Variants in SPSB1 observed in about 807,000 individuals in gnomAD.
SPSB1 encodes the protein SPRY domain-containing SOCS box protein 1.
Under a neutral mutation model 21.2 loss-of-function variants are expected in SPSB1, and 8 were observed. That is an observed-to-expected ratio of 0.38 (90% CI 0.22 to 0.68). SPSB1 has a LOEUF of 0.68. Ranked by LOEUF, SPSB1 falls within the 30% of genes least tolerant of loss-of-function variation. SPSB1 has a pLI of 0.53. For missense variants in SPSB1, 242 were observed against 377.8 expected (o/e 0.64, Z 2.98); for synonymous variants, 169 against 161.7 (o/e 1.05, Z -0.34).
rs529713721 is a variant in SPSB1 at position 9,346,835 on chromosome 1, G to T, written c.-149-8908G>T. On this transcript the variant is annotated intron_variant, in intron 1 of 2. Coordinates refer to ENST00000328089, the MANE Select transcript of SPSB1 (RefSeq NM_025106.4). The surrounding 1 kb of genome is among the most constrained non-coding windows in gnomAD (Gnocchi z 4.4). ...TGCCACCTGGCTGGGTATGGGGACG[G>T]ACCAGCTGTTCTCTTCTTGTGTTCT... Among the ~76,000 whole-genome samples, 1 of 152,246 alleles carries T rather than the reference G, an allele frequency of 6.6e-6. No homozygotes were observed. The highest frequency in any genetic ancestry group is 1.5e-5 in the Non-Finnish European group (1 of 68,032).
intron 1 of SPSB1, among the ~76,000 whole-genome samples, chr1:9,309,169 G>A (rs982914359): frequency 1.3e-5 from 2 of 151,868 alleles, no homozygotes; most frequent in African/African-American, 4.8e-5. Flanking sequence ...GGCATGGGGT[G>A]TCCTTGCACT....
intron 1 of SPSB1, among the ~76,000 whole-genome samples, chr1:9,333,033 C>T (rs1426466025): frequency 1.3e-5 from 2 of 152,240 alleles, no homozygotes; most frequent in African/African-American, 2.4e-5. Flanking sequence ...CACTGAGCTT[C>T]TGCCCTCGTG....
intron 1 of SPSB1, among the ~76,000 whole-genome samples, chr1:9,316,745 G>A (rs781307845): frequency 8.5e-5 from 13 of 152,198 alleles, no homozygotes; most frequent in Admixed American, 1.3e-4. Flanking sequence ...AGGGGAGACC[G>A]CCCCGGAAGC....
At chr1:9,340,057 G>A (rs1640065182) in intron 1 of SPSB1, among the ~76,000 whole-genome samples, 1 of 152,242 alleles carries the variant, frequency 6.6e-6, no homozygotes, top group Admixed American at 6.5e-5. Context: ...CCATTCAGGG[G>A]CAGTAGCCCG....
chr1:9,297,601 G>A (rs1639246679), intron 1 of SPSB1, among the ~76,000 whole-genome samples: 2 of 152,132 alleles, frequency 1.3e-5, no homozygotes, highest in South Asian at 4.1e-4. Flanking sequence ...CGAATTTATG[G>A]ATATGGGCCC....
chr1:9,328,872 G>T (rs1343750377), intron 1 of SPSB1, among the ~76,000 whole-genome samples: 2 of 152,120 alleles, frequency 1.3e-5, no homozygotes, highest in Non-Finnish European at 2.9e-5. Context: ...AATATCCCTG[G>T]CCCCCACCCA....
At position 9,355,902 on chromosome 1, in the gene SPSB1, A is replaced by G; in HGVS notation, c.11A>G (p.Lys4Arg). MGQ[K>R]VTGGIKTVDM... Reference sequence around the variant, plus strand: ...AAGCCAGGGGCGAACATGGGTCAGAAGGTCACTGGAGGGATCAAGACTGTG... The same window carrying G: ...AAGCCAGGGGCGAACATGGGTCAGAGGGTCACTGGAGGGATCAAGACTGTG... The change falls in exon 2 of 3, where the codon AAG (lysine) becomes AGG (arginine). Residue 4 changes from lysine (K) to arginine (R), a missense_variant. Coordinates refer to ENST00000328089, the MANE Select transcript of SPSB1 (RefSeq NM_025106.4). 6.4e-7 allele frequency: 1 copy of G among 1,559,620 alleles called. No individual in the cohort carries two copies. Among genetic ancestry groups the G allele is most frequent in the African/African-American group, 1.4e-5 (1 of 73,124 alleles).
At chr1:9,316,991 C>T (rs1639627673) in intron 1 of SPSB1, among the ~76,000 whole-genome samples, 1 of 152,226 alleles carries the variant, frequency 6.6e-6, no homozygotes, top group African/African-American at 2.4e-5. Flanking sequence ...CAGGCCTCAC[C>T]TTGGATGCAC....
chr1:9,348,347 C>G lies in SPSB1; in HGVS notation c.-149-7396C>G, dbSNP rs78908140. 0.12 allele frequency among the ~76,000 whole-genome samples: 18,617 copies of G among 152,000 alleles called. 1,526 individuals are homozygous for G. Among genetic ancestry groups the G allele is most frequent in the South Asian group, 0.29 (1,368 of 4,788 alleles). On this transcript the variant is annotated intron_variant, in intron 1 of 2. Transcript: ENST00000328089. The surrounding 1 kb of genome is among the most constrained non-coding windows in gnomAD (Gnocchi z 4.8). ...TGTGCCTTGCATAATGAAAGCAAAC[C>G]GTGGCTGTATCCAGAAGGCGCTCTC...
At position 9,356,988 on chromosome 1, in the gene SPSB1, G is replaced by A. The variant is rs2100516014; in HGVS notation, c.694+403G>A. Among the ~76,000 whole-genome samples the A allele has an allele frequency of 6.6e-6, 1 of 152,234 alleles. No homozygotes were observed. The highest frequency in any genetic ancestry group is 1.5e-5 in the Non-Finnish European group (1 of 68,010). ...GATGGATGGATGTGGGTGGATGGGTGGGTAGGGGGTGGATGAGTGTTTAGA... is the reference window on the plus strand; with the variant it reads ...GATGGATGGATGTGGGTGGATGGGTAGGTAGGGGGTGGATGAGTGTTTAGA... On this transcript the variant is annotated intron_variant, in intron 2 of 2. Transcript: ENST00000328089. This position sits in a 1 kb window ranked among gnomAD's most constrained non-coding sequence, Gnocchi z 7.4.
intron 1 of SPSB1, among the ~76,000 whole-genome samples, chr1:9,354,800 CA>C (rs5772367): frequency 0.25 from 37,296 of 146,296 alleles, 4,793 homozygotes; most frequent in Admixed American, 0.34. Flanking sequence ...GACTGCGTCT[CA>C]AAAAAAAAAA....
intron 1 of SPSB1, among the ~76,000 whole-genome samples, chr1:9,295,351 A>G (rs943863822): frequency 2.6e-5 from 4 of 152,166 alleles, no homozygotes; most frequent in African/African-American, 9.7e-5. Flanking sequence ...AAGCAGTAGC[A>G]TGTTGGCCCC....
At chr1:9,352,033 A>T (rs1640267741) in intron 1 of SPSB1, among the ~76,000 whole-genome samples, 1 of 151,492 alleles carries the variant, frequency 6.6e-6, no homozygotes, top group Non-Finnish European at 1.5e-5. Flanking sequence ...CCTCCCACAG[A>T]CTCCCATCCC....
At chr1:9,340,077 A>G (rs1266571546) in intron 1 of SPSB1, among the ~76,000 whole-genome samples, 1 of 152,156 alleles carries the variant, frequency 6.6e-6, no homozygotes, top group Non-Finnish European at 1.5e-5. Flanking sequence ...GAGACTCTGC[A>G]TTTCCAGCAA....
chr1:9,312,828 G>C (rs1434635796), intron 1 of SPSB1, among the ~76,000 whole-genome samples: 1 of 152,200 alleles, frequency 6.6e-6, no homozygotes, highest in African/African-American at 2.4e-5. Flanking sequence ...AAGGCTACTT[G>C]GTTGGCATTT....
rs540751913 is a variant in SPSB1 at position 9,361,242 on chromosome 1, G to C, written c.694+4657G>C. Among the ~76,000 whole-genome samples, 6 of 143,114 alleles carry C rather than the reference G, an allele frequency of 4.2e-5. No individual in the cohort carries two copies. The Admixed American group carries it at 4.4e-4, about 10-fold the overall frequency. The allele number at this position is 143,114 out of a possible 152,430, so 93.9% of individuals were successfully genotyped here. A position where few individuals can be genotyped will look rare whatever the true frequency, so the allele number is the denominator to read the frequency against. On this transcript the variant is annotated intron_variant, in intron 2 of 2. Coordinates refer to ENST00000328089, the MANE Select transcript of SPSB1 (RefSeq NM_025106.4). ...TCTCAAACTCCTGGGCTCCTAAGTGGTCCTCCTGCCTCGGTCTTCCAAAGT... is the reference window on the plus strand; with the variant it reads ...TCTCAAACTCCTGGGCTCCTAAGTGCTCCTCCTGCCTCGGTCTTCCAAAGT...
chr1:9,302,149 G>T (rs1457873926), intron 1 of SPSB1, among the ~76,000 whole-genome samples: 16 of 152,230 alleles, frequency 1.1e-4, no homozygotes, highest in Non-Finnish European at 2.4e-4. Context: ...TCTTGTTATT[G>T]CCTTTATTTG....
intron 1 of SPSB1, among the ~76,000 whole-genome samples, chr1:9,294,112 C>G (rs369661087): frequency 1.2e-4 from 16 of 131,020 alleles, no homozygotes; most frequent in African/African-American, 4.6e-4. Flanking sequence ...TTGTGTGTGT[C>G]TGTGTGTGAG....
intron 1 of SPSB1, among the ~76,000 whole-genome samples, chr1:9,304,412 A>G (rs1639380612): frequency 6.6e-6 from 1 of 151,908 alleles, no homozygotes; most frequent in African/African-American, 2.4e-5. Flanking sequence ...TCTCGATCCT[A>G]TGGGTTTTGC....
Sources: gnomAD v4.1 joint callset for allele counts (sites outside exome capture counted in the v4.1 genomes callset) on GRCh38, gnomAD v4.1.1 for gene constraint, Gnocchi (gnomAD v3.1) non-coding constraint, MANE v1.5 for transcripts, NCBI Gene and HGNC (gene_info 2026-07-23, HGNC 2026-07-21) for gene names.